The following TOPBP1 variants were observed in gnomAD, a reference collection of about 807,000 sequenced individuals.
TOPBP1 encodes the protein DNA topoisomerase 2-binding protein 1.
Under a neutral mutation model 167.7 loss-of-function variants are expected in TOPBP1, and 28 were observed. The ratio of observed to expected loss-of-function variants is 0.17; its 90% CI spans 0.12 to 0.23. The LOEUF (loss-of-function observed/expected upper bound fraction) is 0.23. TOPBP1 is among the 10% of genes least tolerant of loss of function. The pLI is 1.00. For missense variants in TOPBP1, 1,554 were observed against 1,809.6 expected (o/e 0.86, Z 2.56); for synonymous variants, 598 against 611.4 (o/e 0.98, Z 0.32).
chr3:133,611,329 AGAGTC>A (rs1934667757), intron 24 of TOPBP1, among the ~76,000 whole-genome samples, 188 bp from the exon 25 acceptor site: 1 of 152,260 alleles, frequency 6.6e-6, no homozygotes, highest in East Asian at 1.9e-4. Flanking sequence ...GTTTCATATA[AGAGTC>A]AAGTATATTT....
Position 133,656,666 on chromosome 3 carries a change from T to C in TOPBP1, c.545+10A>G, listed in dbSNP as rs780198069. 6.3e-7 allele frequency: 1 copy of C among 1,576,038 alleles called. No homozygotes were observed. On this transcript the variant is annotated intron_variant, in intron 5 of 27. Coordinates refer to ENST00000260810, the MANE Select transcript of TOPBP1 (RefSeq NM_007027.4). ...TTCAAATCTAGAAAATATAAAAATG[T>C]CTTTCTTACTTCTCTTGTGACTTCT...
intron 13 of TOPBP1, among the ~76,000 whole-genome samples, chr3:133,639,559 G>A (rs1432256371): frequency 2.0e-5 from 3 of 151,978 alleles, no homozygotes; most frequent in Non-Finnish European, 2.9e-5. Context: ...TAACAAACCC[G>A]CATATTGTGC....
Position 133,640,064 on chromosome 3 carries a change from T to C in TOPBP1, c.2128A>G (p.Lys710Glu). 1 of 1,613,914 alleles carries C rather than the reference T, an allele frequency of 6.2e-7. No homozygotes were observed. Among genetic ancestry groups the C allele is most frequent in the Non-Finnish European group, 8.5e-7 (1 of 1,179,854 alleles). The change falls in exon 13 of 28, where the codon AAG becomes GAG. Residue 710 changes from lysine to glutamate, a missense_variant. Around this residue, in one of 3 missense-constraint regions of TOPBP1, gnomAD observed 1,197 missense variants for 1,351.5 expected, o/e 0.89. Coordinates refer to ENST00000260810, the MANE Select transcript of TOPBP1 (RefSeq NM_007027.4). The stretch of plus-strand genomic sequence containing the variant: ...ATAGTAACGGCAGGTAAATTCCACT[T>C]CTTTGCAGCTTCATATTTAGAGCCA... The part of the protein sequence containing the change: ...RGGSKYEAAK[K>E]WNLPAVTIAW...
At chr3:133,636,228 TAC>T (rs1466095949) in intron 14 of TOPBP1, among the ~76,000 whole-genome samples, 2 of 152,172 alleles carry the variant, frequency 1.3e-5, no homozygotes, top group East Asian at 3.9e-4. Context: ...ATATTTATTG[TAC>T]TGCTCTGATG....
chr3:133,649,320 T>C (rs1576310838), intron 10 of TOPBP1, 63 bp downstream of exon 10: 7 of 1,532,608 alleles, frequency 4.6e-6, no homozygotes, highest in East Asian at 4.5e-5. Context: ...AAATCACATA[T>C]GTACGTATTA....
Position 133,637,957 on chromosome 3 carries a change from C to A in TOPBP1, c.2439G>T (p.Gln813His). 6.2e-7 allele frequency: 1 copy of A among 1,614,006 alleles called. No individual in the cohort carries two copies. Among genetic ancestry groups the A allele is most frequent in the Admixed American group, 1.7e-5 (1 of 60,024 alleles). Residue 813 changes from glutamine (Q) to histidine (H), a missense_variant, in exon 14 of 28, where the codon CAG (glutamine) becomes CAT (histidine). By Grantham distance (24) the Gln-to-His change is conservative. This residue lies in a region of TOPBP1 where 1,197 missense variants were observed against 1,351.5 expected (regional missense o/e 0.89). Coordinates refer to ENST00000260810, the MANE Select transcript of TOPBP1 (RefSeq NM_007027.4). ...TATCCAGGTGTAACGAGGGCTCCTT[C>A]TGAAGTGGTTGTCCTACTGCTGGGG... ...AASPAVGQPLQKEPSLHLDTP... is the reference protein window; with the variant it reads ...AASPAVGQPLHKEPSLHLDTP...
intron 6 of TOPBP1, among the ~76,000 whole-genome samples, chr3:133,653,772 G>A (rs1301140838): frequency 6.6e-6 from 1 of 151,918 alleles, no homozygotes; most frequent in East Asian, 1.9e-4. Context: ...TAGGATTACA[G>A]ACGTGTGCCA....
In TOPBP1 at chr3:133,643,319, G is replaced by A. The variant is rs1935959375; in HGVS notation, c.1902C>T (p.Phe634=). 6.2e-7 allele frequency: 1 copy of A among 1,610,858 alleles called. No individual in the cohort carries two copies. Among genetic ancestry groups the A allele is most frequent in the South Asian group, 1.1e-5 (1 of 90,556 alleles). ...TLFDPKSNPL[F]TPVPVMTGMT... is the part of the protein sequence containing the mutation. Reference sequence around the variant, plus strand: ...TTCCTGTCATTACTGGAACTGGTGTGAAGAGAGGATTCGACTTTGGATCAA... The same window carrying A: ...TTCCTGTCATTACTGGAACTGGTGTAAAGAGAGGATTCGACTTTGGATCAA... The change falls in exon 12 of 28, where the codon TTC becomes TTT. Residue 634 remains phenylalanine (F), a synonymous_variant. Coordinates refer to ENST00000260810, the MANE Select transcript of TOPBP1 (RefSeq NM_007027.4).
In TOPBP1 at chr3:133,653,436, C is replaced by G. The variant is rs1476265537; in HGVS notation, c.831G>C (p.Gln277His). 6.2e-7 allele frequency: 1 copy of G among 1,613,030 alleles called. No homozygotes were observed. The highest frequency in any genetic ancestry group is 8.5e-7 in the Non-Finnish European group (1 of 1,179,594). Residue 277 changes from glutamine to histidine, a missense_variant, in exon 7 of 28, where the codon CAG becomes CAC. By Grantham distance (24) the Gln-to-His change is conservative. Transcript: ENST00000260810. ...GTTCTGTCTTGTATATGGATTCATC[C>G]TGACAAAAACCTTTCTCAATACTGT... is the stretch of plus-strand genomic sequence containing the variant. ...FFDSIEKGFC[Q>H]DESIYKTEPR...
chr3:133,610,727 T>C (rs1008350537), intron 25 of TOPBP1, among the ~76,000 whole-genome samples: 1 of 152,028 alleles, frequency 6.6e-6, no homozygotes, highest in African/African-American at 2.4e-5. Flanking sequence ...GCAAAGTACA[T>C]GGCCTTCCCA....
intron 11 of TOPBP1, 116 bp downstream of exon 11, chr3:133,643,904 G>A: frequency 9.2e-7 from 1 of 1,085,354 alleles, no homozygotes; most frequent in Non-Finnish European, 1.3e-6. Context: ...AAAATCAAGA[G>A]TGTTCAAGTC....
intron 14 of TOPBP1, among the ~76,000 whole-genome samples, chr3:133,629,077 G>A (rs1267224460): frequency 1.3e-5 from 2 of 151,368 alleles, no homozygotes; most frequent in Non-Finnish European, 2.9e-5. Flanking sequence ...AAAAAACCCA[G>A]AAGGAAACAA....
rs56733226 is a variant in TOPBP1 at position 133,660,304 on chromosome 3, T to C, written c.84+740A>G. ...GAACCCCTTAACGTGTTTTGCTTTT[T>C]TCTCTTCCTAATTTATCATGTCTGA... On this transcript the variant is annotated intron_variant, in intron 2 of 27. Coordinates refer to ENST00000260810, the MANE Select transcript of TOPBP1 (RefSeq NM_007027.4). 1.8e-4 allele frequency among the ~76,000 whole-genome samples: 27 copies of C among 152,350 alleles called. No homozygotes were observed. The East Asian group carries it at 5.0e-3, about 28-fold the overall frequency.
At chr3:133,650,364 T>TGTGTGTGG (rs1553726537) in intron 8 of TOPBP1, among the ~76,000 whole-genome samples, 7 of 99,314 alleles carry the variant, frequency 7.0e-5, no homozygotes, top group African/African-American at 2.7e-4. Flanking sequence ...TGTGTGTGTG[T>TGTGTGTGG]GGGGGGCGGG....
At chr3:133,656,568 A>C in intron 5 of TOPBP1, 108 bp downstream of exon 5, 1 of 1,059,476 alleles carries the variant, frequency 9.4e-7, no homozygotes, top group Non-Finnish European at 1.3e-6. Context: ...AAGAGTAATG[A>C]CACTATTTTT....
chr3:133,629,989 T>C (rs557571131), intron 14 of TOPBP1, among the ~76,000 whole-genome samples: 1 of 152,232 alleles, frequency 6.6e-6, no homozygotes, highest in African/African-American at 2.4e-5. Context: ...GGTTTCACCA[T>C]GTTGCTCAAG....
chr3:133,608,839 T>G lies in TOPBP1; in HGVS notation c.4263+34A>C, dbSNP rs555051464. 1.9e-6 allele frequency: 3 copies of G among 1,587,064 alleles called. No homozygotes were observed. In the East Asian group the frequency reaches 6.7e-5, roughly 35 times the overall value. On this transcript the variant is annotated intron_variant, in intron 26 of 27. Coordinates refer to ENST00000260810, the MANE Select transcript of TOPBP1 (RefSeq NM_007027.4). ...GCAATCTTGGTTAGATGATTATTCA[T>G]GTAAAAAGGTCAGTAAATTAATTTG...
At chr3:133,655,558 T>C (rs1182789905) in intron 5 of TOPBP1, 72 bp from the exon 6 acceptor site, 4 of 810,584 alleles carry the variant, frequency 4.9e-6, no homozygotes, top group African/African-American at 3.6e-5. Flanking sequence ...AACACAAATA[T>C]CACTATTGCT....
chr3:133,605,530 A>G (rs946924101), intron 27 of TOPBP1, among the ~76,000 whole-genome samples: 1 of 152,214 alleles, frequency 6.6e-6, no homozygotes, highest in Non-Finnish European at 1.5e-5. Context: ...GAAAAACCTT[A>G]TAACAACTCC....
Sources: allele counts gnomAD v4.1 joint callset (sites outside exome capture counted in the v4.1 genomes callset), GRCh38; gene constraint gnomAD v4.1.1; regional missense constraint gnomAD v4.1.1; transcripts MANE v1.5; gene names NCBI Gene and HGNC (gene_info 2026-07-23, HGNC 2026-07-21).